The following MAP3K9 variants were observed in gnomAD, a reference collection of about 807,000 sequenced individuals.
MAP3K9 encodes the protein mitogen-activated protein kinase kinase kinase 9.
A neutral mutation model predicts 95.8 loss-of-function variants in MAP3K9; 46 were observed. The ratio of observed to expected loss-of-function variants is 0.48; its 90% CI spans 0.38 to 0.61. The LOEUF (loss-of-function observed/expected upper bound fraction) is 0.61, where lower values mean the gene tolerates loss of function less well. Among genes scored for constraint, MAP3K9 ranks in the 20% least tolerant of loss-of-function variants. The probability of loss-of-function intolerance (pLI) is 0.00; values close to 1 mark genes in which losing one functional copy is unlikely to be tolerated. For missense variants in MAP3K9, 1,296 were observed against 1,474.3 expected (o/e 0.88, Z 1.98); for synonymous variants, 533 against 593.8 (o/e 0.90, Z 1.49).
rs762342117 is a variant in MAP3K9 at position 70,800,970 on chromosome 14, C to A, written c.517G>T (p.Ala173Ser). 2 of 1,614,202 alleles carry A rather than the reference C, an allele frequency of 1.2e-6. No homozygotes were observed. The highest frequency in any genetic ancestry group is 1.7e-6 in the Non-Finnish European group (2 of 1,180,036). The change falls in exon 2 of 12, where the codon GCT becomes TCT. Residue 173 changes from alanine (A) to serine (S), a missense_variant. Ala to Ser is a moderately conservative substitution (Grantham distance 99). Coordinates refer to ENST00000554752, the MANE Select transcript of MAP3K9 (RefSeq NM_001284230.2). ...ATGTCCTCATCAGGGTCGTGGCGAG[C>A]TGCTTTCACAGCAACCTCATCCCCT... ...WIGDEVAVKA[A>S]RHDPDEDISQ...
chr14:70,753,246 T>A (rs537695436), intron 3 of MAP3K9, among the ~76,000 whole-genome samples: 1 of 152,300 alleles, frequency 6.6e-6, no homozygotes, highest in African/African-American at 2.4e-5. Context: ...CTAGTAGACC[T>A]GTGGTTTCTC....
chr14:70,768,933 T>C lies in MAP3K9; in HGVS notation c.821-7751A>G, dbSNP rs117719040. 1.1e-4 allele frequency among the ~76,000 whole-genome samples: 17 copies of C among 152,372 alleles called. No individual in the cohort carries two copies. In the East Asian group the frequency reaches 3.3e-3, roughly 29 times the overall value. ...ATGATTCAATGCCATCTCTCCTACA[T>C]TACGTAACTCAGCTAATTTGGTTTT... On this transcript the variant is annotated intron_variant, in intron 2 of 11. Transcript: ENST00000554752.
intron 7 of MAP3K9, chr14:70,739,841 G>C: frequency 6.7e-7 from 1 of 1,489,304 alleles, no homozygotes; most frequent in South Asian, 1.3e-5. Context: ...AAAGGTAGAG[G>C]GGGCAGTAGT....
intron 5 of MAP3K9, 23 bp downstream of exon 5, chr14:70,748,803 TTTG>T (rs749885424): frequency 3.2e-6 from 5 of 1,576,928 alleles, no homozygotes; most frequent in Admixed American, 1.9e-5. Flanking sequence ...CGTTCGTTTT[TTTG>T]TTGTTTTTTT....
At chr14:70,801,462 G>A (rs533380138) in intron 1 of MAP3K9, among the ~76,000 whole-genome samples, 1 of 152,234 alleles carries the variant, frequency 6.6e-6, no homozygotes, top group South Asian at 2.1e-4. Context: ...ATGTTGCCCA[G>A]GCTGGTCTTG....
chr14:70,767,964 C>A (rs990265999), intron 2 of MAP3K9, among the ~76,000 whole-genome samples: 2 of 152,164 alleles, frequency 1.3e-5, no homozygotes, highest in Non-Finnish European at 2.9e-5. Context: ...CTGTGCCTGG[C>A]ACAAAGACAT....
chr14:70,791,569 C>T (rs1312004232), intron 2 of MAP3K9, among the ~76,000 whole-genome samples: 1 of 152,236 alleles, frequency 6.6e-6, no homozygotes, highest in Non-Finnish European at 1.5e-5. Flanking sequence ...CAATTTGCCT[C>T]CCAGGAGGCC....
intron 7 of MAP3K9, among the ~76,000 whole-genome samples, chr14:70,739,018 G>T (rs1340888378): frequency 6.6e-6 from 1 of 152,162 alleles, no homozygotes; most frequent in East Asian, 1.9e-4. Flanking sequence ...AGTTGAAGGG[G>T]CTGAGGCAAA....
intron 2 of MAP3K9, among the ~76,000 whole-genome samples, chr14:70,763,580 G>T (rs539750910): frequency 6.6e-6 from 1 of 151,502 alleles, no homozygotes. Flanking sequence ...ATTCAGGCTG[G>T]TGTGCAGTGG....
intron 2 of MAP3K9, among the ~76,000 whole-genome samples, chr14:70,793,507 C>A (rs1043477304): frequency 2.6e-5 from 4 of 151,862 alleles, no homozygotes; most frequent in Non-Finnish European, 5.9e-5. Flanking sequence ...GGCAACACGG[C>A]GAGACCCTGT....
At chr14:70,798,417 CA>C (rs1298616271) in intron 2 of MAP3K9, among the ~76,000 whole-genome samples, 1 of 150,654 alleles carries the variant, frequency 6.6e-6, no homozygotes, top group African/African-American at 2.4e-5. Flanking sequence ...TCACATTTTC[CA>C]GCAATATAAG....
intron 5 of MAP3K9, among the ~76,000 whole-genome samples, chr14:70,747,656 T>C (rs1003052544): frequency 6.6e-6 from 1 of 152,052 alleles, no homozygotes; most frequent in Non-Finnish European, 1.5e-5. Context: ...GAAACAATAA[T>C]AACACCTGGC....
At chr14:70,783,825 G>A (rs1219985412) in intron 2 of MAP3K9, among the ~76,000 whole-genome samples, 1 of 152,234 alleles carries the variant, frequency 6.6e-6, no homozygotes, top group Non-Finnish European at 1.5e-5. Flanking sequence ...ACACAGAGCT[G>A]AAAGACGTGG....
chr14:70,782,973 A>G (rs920042601), intron 2 of MAP3K9, among the ~76,000 whole-genome samples: 4 of 152,214 alleles, frequency 2.6e-5, no homozygotes, highest in Admixed American at 2.0e-4. Context: ...GCATACCCAG[A>G]AACTGCTGGG....
chr14:70,792,065 G>A (rs1038803156), intron 2 of MAP3K9, among the ~76,000 whole-genome samples: 12 of 152,140 alleles, frequency 7.9e-5, no homozygotes, highest in African/African-American at 2.7e-4. Context: ...CTGTTCACCC[G>A]GCTGGTTATT....
At chr14:70,758,052 A>C (rs528376066) in intron 3 of MAP3K9, among the ~76,000 whole-genome samples, 1 of 152,182 alleles carries the variant, frequency 6.6e-6, no homozygotes, top group Non-Finnish European at 1.5e-5. Context: ...AATAAACTAG[A>C]CATCATCAAA....
intron 2 of MAP3K9, among the ~76,000 whole-genome samples, chr14:70,794,264 A>G (rs2054837866): frequency 6.6e-6 from 1 of 152,342 alleles, no homozygotes; most frequent in East Asian, 1.9e-4. Flanking sequence ...CTAGCCCCAA[A>G]CCAAATACAG....
chr14:70,746,182 A>G (rs1054860313), intron 5 of MAP3K9, among the ~76,000 whole-genome samples: 1 of 152,174 alleles, frequency 6.6e-6, no homozygotes, highest in African/African-American at 2.4e-5. Flanking sequence ...GCTCTTGTCT[A>G]AGGGATGGTC....
chr14:70,765,565 A>C, intron 2 of MAP3K9: 1 of 584,996 alleles, frequency 1.7e-6, no homozygotes, highest in East Asian at 2.9e-5. Flanking sequence ...ATTTAGGTAC[A>C]CAAAGTCTTA....
Sources: gnomAD v4.1 joint callset for allele counts (sites outside exome capture counted in the v4.1 genomes callset) on GRCh38, gnomAD v4.1.1 for gene constraint, MANE v1.5 for transcripts, NCBI Gene and HGNC (gene_info 2026-07-23, HGNC 2026-07-21) for gene names.